Variants in NSD2 observed in about 807,000 individuals in gnomAD.
The protein encoded by NSD2 is nuclear receptor binding SET domain protein 2.
A neutral mutation model predicts 139.0 loss-of-function variants in NSD2; 12 were observed. The observed-to-expected ratio is 0.09, with a 90% CI of 0.06 to 0.14. The LOEUF (loss-of-function observed/expected upper bound fraction) is 0.14, where lower values mean the gene tolerates loss of function less well. Ranked by LOEUF, NSD2 falls within the 10% of genes least tolerant of loss-of-function variation. The pLI is 1.00. For missense variants in NSD2, 1,155 were observed against 1,745.0 expected (o/e 0.66, Z 6.02); for synonymous variants, 669 against 648.7 (o/e 1.03, Z -0.48).
Position 1,948,097 on chromosome 4 carries a change from C to T in NSD2, c.1882-2975C>T. 3 of 1,059,280 alleles carry T rather than the reference C, an allele frequency of 2.8e-6. No individual in the cohort carries two copies. Among genetic ancestry groups the T allele is most frequent in the Non-Finnish European group, 2.3e-6 (2 of 875,208 alleles). 65.6% of individuals were successfully genotyped at this position (1,059,280 alleles called of 1,614,324 possible). A position where few individuals can be genotyped will look rare whatever the true frequency, so the allele number is the denominator to read the frequency against. On this transcript the variant is annotated intron_variant, in intron 9 of 21. Transcript: ENST00000508803. This position sits in a 1 kb window ranked among gnomAD's most constrained non-coding sequence, Gnocchi z 4.5. ...GGAATGTATTTCTAAGGCAAATAGG[C>T]AACTTGGTACTATCTTATTCTGAGT... is the stretch of plus-strand genomic sequence containing the variant.
chr4:1,872,589 TGTGAGAGAGAGAGAGA>T (rs1184885989), intron 1 of NSD2, among the ~76,000 whole-genome samples: 169 of 44,412 alleles, frequency 3.8e-3, no homozygotes, highest in African/African-American at 0.011. Context: ...TGTGTGTGTG[TGTGAGAGAGAGAGAGA>T]GAGAGAGAGA....
At chr4:1,955,000 G>A (rs1216202629) in intron 12 of NSD2, among the ~76,000 whole-genome samples, 161 bp from the exon 13 acceptor site, 1 of 152,246 alleles carries the variant, frequency 6.6e-6, no homozygotes, top group East Asian at 1.9e-4. Flanking sequence ...ACATGGTTTT[G>A]AAGCACCTTT....
At chr4:1,938,586 G>A in intron 8 of NSD2, 54 bp downstream of exon 8, 1 of 1,369,086 alleles carries the variant, frequency 7.3e-7, no homozygotes, top group Non-Finnish European at 1.0e-6. Flanking sequence ...AGGCTGGGCT[G>A]GGTGGGTGGG....
At chr4:1,887,147 CTG>C (rs1349376172) in intron 1 of NSD2, among the ~76,000 whole-genome samples, 1 of 152,140 alleles carries the variant, frequency 6.6e-6, no homozygotes, top group African/African-American at 2.4e-5. Flanking sequence ...TGGCTGTCAA[CTG>C]TGAGAGTTCA....
rs369022640 is a variant in NSD2, at chr4:1,970,921, C to A, written c.3373-3942C>A. Reference sequence around the variant, plus strand: ...TGAAAGCCCATAGAAACAAGCAAGACATGAATGTGTTCTGACTGTGGCCAG... The same window carrying A: ...TGAAAGCCCATAGAAACAAGCAAGAAATGAATGTGTTCTGACTGTGGCCAG... On this transcript the variant is annotated intron_variant, in intron 18 of 21. Coordinates refer to ENST00000508803, the MANE Select transcript of NSD2 (RefSeq NM_001042424.3). 5.9e-5 allele frequency among the ~76,000 whole-genome samples: 9 copies of A among 152,240 alleles called. No homozygotes were observed. In the East Asian group the frequency reaches 1.7e-3, roughly 29 times the overall value.
chr4:1,959,164 C>T (rs1478681347), intron 16 of NSD2, among the ~76,000 whole-genome samples: 1 of 152,188 alleles, frequency 6.6e-6, no homozygotes, highest in Non-Finnish European at 1.5e-5. Flanking sequence ...CGCTTTTTCT[C>T]TCTTCATCTT....
chr4:1,874,915 G>A (rs529891600), intron 1 of NSD2, among the ~76,000 whole-genome samples: 1 of 152,302 alleles, frequency 6.6e-6, no homozygotes, highest in South Asian at 2.1e-4. Flanking sequence ...AAAGACTTGT[G>A]TTGGTAACCC....
At chr4:1,938,058 T>C (rs992831190) in intron 7 of NSD2, among the ~76,000 whole-genome samples, 1 of 152,230 alleles carries the variant, frequency 6.6e-6, no homozygotes, top group African/African-American at 2.4e-5. Context: ...TTTCTCATGT[T>C]CATCCTCTGC....
intron 7 of NSD2, 94 bp downstream of exon 7, chr4:1,935,356 C>G: frequency 1.1e-6 from 1 of 927,534 alleles, no homozygotes; most frequent in Non-Finnish European, 1.7e-6. Flanking sequence ...ACATGAGATG[C>G]AGGTGTCAGT....
intron 9 of NSD2, chr4:1,941,030 T>A: frequency 9.5e-7 from 1 of 1,057,462 alleles, no homozygotes; most frequent in Middle Eastern, 4.3e-4. Flanking sequence ...TTAAGCATTT[T>A]GTGATGTTTG....
At chr4:1,876,584 TG>T (rs1475013025) in intron 1 of NSD2, among the ~76,000 whole-genome samples, 4 of 151,600 alleles carry the variant, frequency 2.6e-5, no homozygotes, top group African/African-American at 9.7e-5. Flanking sequence ...CCCAGATACT[TG>T]GGTGGCTGAA....
chr4:1,929,138 T>C (rs574151436), intron 5 of NSD2, among the ~76,000 whole-genome samples: 2 of 151,786 alleles, frequency 1.3e-5, no homozygotes, highest in Non-Finnish European at 2.9e-5. Context: ...TTGGTGGGTG[T>C]TGGTGTCCAG....
At chr4:1,977,176 C>A (rs1276516711) in intron 21 of NSD2, among the ~76,000 whole-genome samples, 10 of 152,268 alleles carry the variant, frequency 6.6e-5, no homozygotes, top group Admixed American at 6.5e-4. Flanking sequence ...CACCAGGAGG[C>A]TCCGCCGGTT....
intron 3 of NSD2, among the ~76,000 whole-genome samples, chr4:1,904,875 A>C (rs2108758764): frequency 6.6e-6 from 1 of 152,334 alleles, no homozygotes; most frequent in East Asian, 1.9e-4. Context: ...TCACGCCTGT[A>C]ATCCCAACAC....
chr4:1,962,700 G>A (rs1411192032), intron 18 of NSD2, among the ~76,000 whole-genome samples: 3 of 151,886 alleles, frequency 2.0e-5, no homozygotes, highest in Non-Finnish European at 4.4e-5. Context: ...TTTGAGACAG[G>A]GTCTCTATCA....
intron 17 of NSD2, among the ~76,000 whole-genome samples, chr4:1,960,668 C>G (rs1462768606): frequency 6.6e-6 from 1 of 152,226 alleles, no homozygotes; most frequent in Non-Finnish European, 1.5e-5. Flanking sequence ...TTCACCCAGA[C>G]TCTTGCTTTA....
At position 1,893,543 on chromosome 4, in the gene NSD2, G is replaced by GTT. The variant is rs774429583; in HGVS notation, c.-29-7068_-29-7067dup. On this transcript the variant is annotated intron_variant, in intron 1 of 21. Coordinates refer to ENST00000508803, the MANE Select transcript of NSD2 (RefSeq NM_001042424.3). ...TATTTTGCCTCTTTTTTTGTTTTTT[G>GTT]TTTTTTTTTTTTTTTTGTTTTGTTT... Among the ~76,000 whole-genome samples the GTT allele has an allele frequency of 5.2e-3, 628 of 121,362 alleles. 5 individuals are homozygous for GTT. The highest frequency in any genetic ancestry group is 0.017 in the African/African-American group (566 of 34,074). The allele number at this position is 121,362 out of a possible 152,430, so 79.6% of individuals were successfully genotyped here.
chr4:1,950,558 A>C (rs1256598160), intron 9 of NSD2, among the ~76,000 whole-genome samples: 2 of 152,202 alleles, frequency 1.3e-5, no homozygotes, highest in Non-Finnish European at 2.9e-5. Flanking sequence ...GTAGGCACAT[A>C]CTTCTGAAAG....
chr4:1,971,611 C>G (rs1052244525), intron 18 of NSD2, among the ~76,000 whole-genome samples: 6 of 152,174 alleles, frequency 3.9e-5, no homozygotes, highest in African/African-American at 1.4e-4. Flanking sequence ...GGCACATGTA[C>G]TGAGGCGTGA....
Sources: allele counts gnomAD v4.1 joint callset (sites outside exome capture counted in the v4.1 genomes callset), GRCh38; gene constraint gnomAD v4.1.1; non-coding constraint Gnocchi (gnomAD v3.1); transcripts MANE v1.5; gene names NCBI Gene and HGNC (gene_info 2026-07-23, HGNC 2026-07-21).